PARP8: variants seen among roughly 807,000 people sequenced by gnomAD.
The protein encoded by PARP8 is poly(ADP-ribose) polymerase family member 8, also known as protein mono-ADP-ribosyltransferase PARP8.
In PARP8, 51 loss-of-function variants were observed where a neutral mutation model predicts 124.1. That is an observed-to-expected ratio of 0.41 (90% CI 0.33 to 0.52). The LOEUF (loss-of-function observed/expected upper bound fraction) is 0.52, where lower values mean the gene tolerates loss of function less well. Ranked by LOEUF, PARP8 falls within the 20% of genes least tolerant of loss-of-function variation. PARP8 has a pLI of 0.21. For missense variants in PARP8, 860 were observed against 1,018.9 expected, an observed-to-expected ratio of 0.84 and a Z score of 2.12; for synonymous variants, 391 against 361.5, an observed-to-expected ratio of 1.08 and a Z score of -0.93.
At chr5:50,744,373 A>T (rs1758336135) in intron 2 of PARP8, among the ~76,000 whole-genome samples, 1 of 152,252 alleles carries the variant, frequency 6.6e-6, no homozygotes, top group Non-Finnish European at 1.5e-5. Flanking sequence ...TTCCAGTTAT[A>T]GGAGTAAACA....
chr5:50,702,480 G>C (rs1753701493), intron 2 of PARP8, among the ~76,000 whole-genome samples: 1 of 152,100 alleles, frequency 6.6e-6, no homozygotes, highest in Non-Finnish European at 1.5e-5. Context: ...ATTTTGATAT[G>C]TGATTTTCTA....
At position 50,842,257 on chromosome 5, in the gene PARP8, G is replaced by T. The variant is rs547415148; in HGVS notation, c.*189G>T. On this transcript the variant is annotated 3_prime_UTR_variant, in exon 26 of 26. Transcript: ENST00000281631. Reference sequence around the variant, plus strand: ...TAAAATGGTATAAGATTTATCAATTGTAGGGTTATGGAATCTAGTAATAAA... The same window carrying T: ...TAAAATGGTATAAGATTTATCAATTTTAGGGTTATGGAATCTAGTAATAAA... 1.3e-4 allele frequency: 58 copies of T among 443,036 alleles called. No individual in the cohort carries two copies. The highest frequency in any genetic ancestry group is 6.8e-5 in the Non-Finnish European group (17 of 250,922). 27.4% of individuals were successfully genotyped at this position (443,036 alleles called of 1,614,324 possible).
At chr5:50,793,934 T>G (rs1742242670) in intron 10 of PARP8, among the ~76,000 whole-genome samples, 1 of 152,106 alleles carries the variant, frequency 6.6e-6, no homozygotes, top group African/African-American at 2.4e-5. Context: ...TCATTTGAAT[T>G]ATCATATCCT....
intron 7 of PARP8, among the ~76,000 whole-genome samples, chr5:50,766,824 A>T (rs1255266133): frequency 2.0e-5 from 3 of 152,210 alleles, no homozygotes; most frequent in Non-Finnish European, 2.9e-5. Flanking sequence ...ATATCACGTT[A>T]CTCATACCCA....
At chr5:50,775,901 G>A (rs1338747259) in intron 7 of PARP8, among the ~76,000 whole-genome samples, 1 of 152,070 alleles carries the variant, frequency 6.6e-6, no homozygotes, top group Non-Finnish European at 1.5e-5. Flanking sequence ...TCTCTTGCCT[G>A]ATTGCTCTGG....
intron 7 of PARP8, among the ~76,000 whole-genome samples, chr5:50,772,430 A>G (rs1341576386): frequency 6.6e-6 from 1 of 152,138 alleles, no homozygotes; most frequent in African/African-American, 2.4e-5. Context: ...ACCTTCATAC[A>G]TTTTCCATAA....
chr5:50,696,760 A>G (rs1295349519), intron 2 of PARP8, among the ~76,000 whole-genome samples: 1 of 151,780 alleles, frequency 6.6e-6, no homozygotes, highest in African/African-American at 2.4e-5. Context: ...CTCTATTTGT[A>G]CTTCTTTATC....
intron 10 of PARP8, among the ~76,000 whole-genome samples, chr5:50,793,052 A>G (rs891471236): frequency 1.2e-4 from 18 of 152,144 alleles, no homozygotes; most frequent in African/African-American, 1.2e-4. Context: ...ACTTGTATCT[A>G]TGCTAACTTG....
intron 7 of PARP8, among the ~76,000 whole-genome samples, chr5:50,766,153 A>G (rs17195388): frequency 0.11 from 16,049 of 152,246 alleles, 880 homozygotes; most frequent in South Asian, 0.16. Context: ...GATGATAGAT[A>G]TATTACTTAA....
intron 2 of PARP8, among the ~76,000 whole-genome samples, chr5:50,686,194 T>C (rs1034738961): frequency 7.9e-5 from 12 of 152,344 alleles, no homozygotes; most frequent in African/African-American, 2.9e-4. Flanking sequence ...AGGCGTTGAA[T>C]AGATGCAGTC....
chr5:50,828,279 G>A (rs753253110), intron 20 of PARP8, 33 bp from the exon 21 acceptor site: 11 of 1,588,864 alleles, frequency 6.9e-6, no homozygotes, highest in Non-Finnish European at 8.6e-6. Context: ...TAATTTTCTG[G>A]TTTTGCTTTT....
At chr5:50,820,731 G>A (rs1163038345) in intron 15 of PARP8, among the ~76,000 whole-genome samples, 2 of 152,168 alleles carry the variant, frequency 1.3e-5, no homozygotes, top group African/African-American at 2.4e-5. Flanking sequence ...ACAGGTCTCT[G>A]TTGAGATTCA....
At chr5:50,798,805 T>A (rs1409362236) in intron 14 of PARP8, among the ~76,000 whole-genome samples, 2 of 152,214 alleles carry the variant, frequency 1.3e-5, no homozygotes, top group African/African-American at 4.8e-5. Flanking sequence ...GATACTAAAA[T>A]ATTTTGATTT....
At chr5:50,716,290 C>T (rs1437325028) in intron 2 of PARP8, among the ~76,000 whole-genome samples, 1 of 152,034 alleles carries the variant, frequency 6.6e-6, no homozygotes, top group Non-Finnish European at 1.5e-5. Flanking sequence ...TTCTGATTAT[C>T]AGAGAACAAA....
chr5:50,725,136 G>A (rs1292342041), intron 2 of PARP8, among the ~76,000 whole-genome samples: 1 of 149,802 alleles, frequency 6.7e-6, no homozygotes, highest in Non-Finnish European at 1.5e-5. Flanking sequence ...ATATATGTAT[G>A]TATGTATATG....
At chr5:50,817,213 G>C (rs1422264231) in intron 15 of PARP8, among the ~76,000 whole-genome samples, 1 of 152,048 alleles carries the variant, frequency 6.6e-6, no homozygotes, top group Non-Finnish European at 1.5e-5. Context: ...TAAAATTAAT[G>C]GTTTTGAATA....
chr5:50,674,226 A>G (rs1415369748), intron 2 of PARP8, among the ~76,000 whole-genome samples: 1 of 152,224 alleles, frequency 6.6e-6, no homozygotes, highest in Non-Finnish European at 1.5e-5. Context: ...ACATTAAAAC[A>G]ATCCCTTCTT....
chr5:50,816,103 A>C (rs1462379731), intron 15 of PARP8, among the ~76,000 whole-genome samples: 1 of 152,166 alleles, frequency 6.6e-6, no homozygotes, highest in Non-Finnish European at 1.5e-5. Context: ...TAGACCAACC[A>C]CATACAGAAA....
chr5:50,781,680 C>T (rs1014489966), intron 9 of PARP8, among the ~76,000 whole-genome samples: 7 of 152,184 alleles, frequency 4.6e-5, no homozygotes, highest in Non-Finnish European at 8.8e-5. Context: ...GACAAATAAG[C>T]TTTCTTTTTC....
Sources: allele counts gnomAD v4.1 joint callset (sites outside exome capture counted in the v4.1 genomes callset), GRCh38; gene constraint gnomAD v4.1.1; transcripts MANE v1.5; gene names NCBI Gene and HGNC (gene_info 2026-07-23, HGNC 2026-07-21).